Variants in RCCD1 observed in about 807,000 individuals in gnomAD.
RCCD1 encodes RCC1 domain containing 1, also known as RCC1 domain-containing protein 1.
In RCCD1, 40 loss-of-function variants were observed where a neutral mutation model predicts 37.6. The ratio of observed to expected loss-of-function variants is 1.06; its 90% CI spans 0.83 to 1.39. The LOEUF (loss-of-function observed/expected upper bound fraction) is 1.39, where lower values mean the gene tolerates loss of function less well. Ranked by LOEUF, RCCD1 falls within the 40% of genes most tolerant of loss-of-function variation. The pLI is 0.00. For synonymous variants in RCCD1, 263 were observed against 230.0 expected (o/e 1.14, Z -1.30); for missense variants, 577 against 517.3 (o/e 1.12, Z -1.12).
At chr15:90,958,949 AAAAC>A (rs1386417033) in intron 4 of RCCD1, among the ~76,000 whole-genome samples, 3 of 102,362 alleles carry the variant, frequency 2.9e-5, no homozygotes, top group Non-Finnish European at 5.0e-5. Flanking sequence ...AAAAAAAAAA[AAAAC>A]AAAAAAAAAA....
At chr15:90,958,952 A>G (rs1022526877) in intron 4 of RCCD1, among the ~76,000 whole-genome samples, 1 of 49,524 alleles carries the variant, frequency 2.0e-5, no homozygotes, top group African/African-American at 2.3e-4. Context: ...AAAAAAAAAA[A>G]CAAAAAAAAA....
Position 90,956,912 on chromosome 15 carries a change from C to T in RCCD1, c.166+12C>T, listed in dbSNP as rs779076847. On this transcript the variant is annotated intron_variant, in intron 2 of 7. Coordinates refer to ENST00000394258, the MANE Select transcript of RCCD1 (RefSeq NM_001017919.2). The stretch of plus-strand genomic sequence containing the variant: ...CGCTTTCGTGACCCGTGAGCACTCC[C>T]CGCCCCGTCCCCACTTATTCCAGCC... The T allele has an allele frequency of 2.7e-4, 341 of 1,279,870 alleles. No individual in the cohort carries two copies. The highest frequency in any genetic ancestry group is 1.2e-3 in the Middle Eastern group (6 of 4,982). The allele number at this position is 1,279,870 out of a possible 1,614,324, so 79.3% of individuals were successfully genotyped here.
chr15:90,957,737 A>G lies in RCCD1; in HGVS notation c.679+12A>G, dbSNP rs759861543. ...TGTGTGTGTGAGTGGTGAGTGACTT[A>G]GTGCTTCTCCAGACGAGCTCATGAT... On this transcript the variant is annotated intron_variant, in intron 4 of 7. Coordinates refer to ENST00000394258, the MANE Select transcript of RCCD1 (RefSeq NM_001017919.2). 2 of 1,593,976 alleles carry G rather than the reference A, an allele frequency of 1.3e-6. No individual in the cohort carries two copies. Among genetic ancestry groups the G allele is most frequent in the Non-Finnish European group, 1.7e-6 (2 of 1,168,420 alleles).
At chr15:90,959,852 T>G in intron 4 of RCCD1, 48 bp from the exon 5 acceptor site, 1 of 1,419,566 alleles carries the variant, frequency 7.0e-7, no homozygotes, top group East Asian at 2.3e-5. Flanking sequence ...TTTGGATGGA[T>G]GCAGGGGCTT....
intron 1 of RCCD1, among the ~76,000 whole-genome samples, chr15:90,956,255 T>C (rs1458614842): frequency 6.6e-6 from 1 of 152,196 alleles, no homozygotes; most frequent in African/African-American, 2.4e-5. Flanking sequence ...TGCCCCTCTC[T>C]GTCTGGCTGT....
In RCCD1 at chr15:90,956,721, G is replaced by T; in HGVS notation, c.-14G>T. The T allele has an allele frequency of 7.8e-7, 1 of 1,283,668 alleles. No homozygotes were observed. Among genetic ancestry groups the T allele is most frequent in the Non-Finnish European group, 9.8e-7 (1 of 1,015,520 alleles). 79.5% of individuals were successfully genotyped at this position (1,283,668 alleles called of 1,614,324 possible). A position where few individuals can be genotyped will look rare whatever the true frequency, so the allele number is the denominator to read the frequency against. ...CGCAGCCAGGCGGCGGCCGGCAGAG[G>T]GCGCTGCTCGGGCATGGCGGAGGAG... is the stretch of plus-strand genomic sequence containing the variant. On this transcript the variant is annotated 5_prime_UTR_variant, in exon 2 of 8. Coordinates refer to ENST00000394258, the MANE Select transcript of RCCD1 (RefSeq NM_001017919.2).
In RCCD1 at chr15:90,957,122, G is replaced by A; in HGVS notation, c.176G>A (p.Arg59His). 2 of 1,348,784 alleles carry A rather than the reference G, an allele frequency of 1.5e-6. No individual in the cohort carries two copies. Among genetic ancestry groups the A allele is most frequent in the Non-Finnish European group, 1.9e-6 (2 of 1,055,920 alleles). 83.6% of individuals were successfully genotyped at this position (1,348,784 alleles called of 1,614,324 possible). Reference protein sequence around the residue: ...SYTAFVTRGGRLELSGSASGA... With the variant: ...SYTAFVTRGGHLELSGSASGA... ...CCAATCCGCCCCGCAGGTGGAGGCCGCTTGGAGCTGTCGGGCTCAGCCAGC... is the reference window on the plus strand; with the variant it reads ...CCAATCCGCCCCGCAGGTGGAGGCCACTTGGAGCTGTCGGGCTCAGCCAGC... Residue 59 changes from arginine (R) to histidine (H), a missense_variant, in exon 3 of 8, where the codon CGC becomes CAC. Arg to His is a conservative substitution (Grantham distance 29). Coordinates refer to ENST00000394258, the MANE Select transcript of RCCD1 (RefSeq NM_001017919.2).
chr15:90,957,180 C>T lies in RCCD1; in HGVS notation c.234C>T (p.Ala78=). The change falls in exon 3 of 8, where the codon GCC becomes GCT. Residue 78 remains alanine, a synonymous_variant. Transcript: ENST00000394258. ...CGGGCCGCTGCAAGGACGCGTGGGC[C>T]TCGGAGGGGCTCCTCGCGGTGCTGC... ...GAAGRCKDAW[A]SEGLLAVLRA... is the part of the protein sequence containing the mutation. 7.2e-7 allele frequency: 1 copy of T among 1,387,088 alleles called. No individual in the cohort carries two copies. Among genetic ancestry groups the T allele is most frequent in the Non-Finnish European group, 9.3e-7 (1 of 1,076,800 alleles). 85.9% of individuals were successfully genotyped at this position (1,387,088 alleles called of 1,614,324 possible). A position where few individuals can be genotyped will look rare whatever the true frequency, so the allele number is the denominator to read the frequency against.
chr15:90,960,030 C>T (rs373420827), intron 5 of RCCD1, 32 bp downstream of exon 5: 2 of 1,526,936 alleles, frequency 1.3e-6, no homozygotes, highest in South Asian at 2.3e-5. Context: ...ACAGCCGTCT[C>T]CCCAGGATGT....
chr15:90,960,773 G>A (rs2037299122), intron 6 of RCCD1: 2 of 626,022 alleles, frequency 3.2e-6, no homozygotes, highest in East Asian at 2.7e-5. Context: ...TGACAGCAGG[G>A]ACTGTCCAGT....
In RCCD1 at chr15:90,956,749, G is replaced by GC; in HGVS notation, c.17dup (p.Ala8GlyfsTer121). 1 of 1,322,898 alleles carries GC rather than the reference G, an allele frequency of 7.6e-7. No individual in the cohort carries two copies. The highest frequency in any genetic ancestry group is 2.4e-5 in the South Asian group (1 of 41,658). 81.9% of individuals were successfully genotyped at this position (1,322,898 alleles called of 1,614,324 possible). A position where few individuals can be genotyped will look rare whatever the true frequency, so the allele number is the denominator to read the frequency against. On this transcript the variant is annotated frameshift_variant, in exon 2 of 8. Transcript: ENST00000394258. LOFTEE classifies it high-confidence loss of function. The stretch of plus-strand genomic sequence containing the variant: ...GCTGCTCGGGCATGGCGGAGGAGCG[G>GC]CCGGGGGCCTGGTTCGGCTTCGGTT...
chr15:90,955,396 GGCT>G (rs1458004199), intron 1 of RCCD1: 1 of 152,282 alleles, frequency 6.6e-6, no homozygotes, highest in African/African-American at 2.4e-5. Context: ...TTTCCTCCAA[GGCT>G]GCCCACCAGA....
intron 7 of RCCD1, 186 bp downstream of exon 7, chr15:90,961,240 A>G (rs2037308649): frequency 4.8e-6 from 3 of 618,966 alleles, no homozygotes; most frequent in Middle Eastern, 4.3e-4. Flanking sequence ...GAGGCCAGAC[A>G]GGGGAGACAT....
chr15:90,957,120 C>T lies in RCCD1; in HGVS notation c.174C>T (p.Gly58=). Residue 58 remains glycine (G), a synonymous_variant, in exon 3 of 8, where the codon GGC becomes GGT. Transcript: ENST00000394258. ...CTCCAATCCGCCCCGCAGGTGGAGG[C>T]CGCTTGGAGCTGTCGGGCTCAGCCA... is the stretch of plus-strand genomic sequence containing the variant. The part of the protein sequence containing the change: ...WSYTAFVTRG[G]RLELSGSASG... The T allele has an allele frequency of 7.4e-7, 1 of 1,344,818 alleles. No individual in the cohort carries two copies. The allele number at this position is 1,344,818 out of a possible 1,614,324, so 83.3% of individuals were successfully genotyped here. A position where few individuals can be genotyped will look rare whatever the true frequency, so the allele number is the denominator to read the frequency against.
chr15:90,957,478 C>T lies in RCCD1; in HGVS notation c.532C>T (p.Gln178Ter), dbSNP rs1375650332. 7 of 1,549,140 alleles carry T rather than the reference C, an allele frequency of 4.5e-6. No homozygotes were observed. Among genetic ancestry groups the T allele is most frequent in the Non-Finnish European group, 8.7e-7 (1 of 1,150,450 alleles). ...CGCGTTGCTGCTGGACGCTGCTGGC[C>T]AGGTGTTCTCCTGGGGCGGGGGCAG... The part of the protein sequence containing the change: ...EHALLLDAAG[Q>*]VFSWGGGRHG... Residue 178 changes from glutamine to a stop codon, truncating the protein, a stop_gained, in exon 3 of 8, where the codon CAG (glutamine) becomes TAG (stop). Transcript: ENST00000394258. LOFTEE classifies it high-confidence loss of function.
intron 6 of RCCD1, 79 bp downstream of exon 6, chr15:90,960,577 G>A: frequency 7.2e-7 from 1 of 1,386,184 alleles, no homozygotes; most frequent in Admixed American, 2.1e-5. Flanking sequence ...AAAAACTTCT[G>A]TCTTAAGGCT....
chr15:90,960,492 G>A lies in RCCD1; in HGVS notation c.943G>A (p.Val315Met), dbSNP rs370018813. 1 of 1,608,292 alleles carries A rather than the reference G, an allele frequency of 6.2e-7. No homozygotes were observed. Among genetic ancestry groups the A allele is most frequent in the Non-Finnish European group, 8.5e-7 (1 of 1,179,502 alleles). ...ASCGSRHTAV[V>M]TRTGELYTWG... is the part of the protein sequence containing the mutation. ...CTGTGGATCCCGGCACACAGCTGTG[G>A]TGACACGTGAGTGGGGCTGGGAGGC... is the stretch of plus-strand genomic sequence containing the variant. Residue 315 changes from valine to methionine, a missense_variant, in exon 6 of 8, where the codon GTG becomes ATG. Transcript: ENST00000394258.
chr15:90,960,716 G>T, intron 6 of RCCD1: 1 of 612,408 alleles, frequency 1.6e-6, no homozygotes, highest in Non-Finnish European at 2.9e-6. Context: ...GATGCTTTCT[G>T]TCCTCCCTGC....
In RCCD1 at chr15:90,957,215, C is replaced by T; in HGVS notation, c.269C>T (p.Pro90Leu). ...CTCCTCGCGGTGCTGCGCGCCGGGC[C>T]GGGGCCGGAGGCGTTACTGCAGGTC... ...EGLLAVLRAG[P>L]GPEALLQVWA... The change falls in exon 3 of 8, where the codon CCG (proline) becomes CTG (leucine). Residue 90 changes from proline to leucine, a missense_variant. Coordinates refer to ENST00000394258, the MANE Select transcript of RCCD1 (RefSeq NM_001017919.2). The T allele has an allele frequency of 7.1e-7, 1 of 1,413,774 alleles. No homozygotes were observed. The highest frequency in any genetic ancestry group is 9.2e-7 in the Non-Finnish European group (1 of 1,086,858). 87.6% of individuals were successfully genotyped at this position (1,413,774 alleles called of 1,614,324 possible). A position where few individuals can be genotyped will look rare whatever the true frequency, so the allele number is the denominator to read the frequency against.
Sources: gnomAD v4.1 joint callset for allele counts (sites outside exome capture counted in the v4.1 genomes callset) on GRCh38, gnomAD v4.1.1 for gene constraint, MANE v1.5 for transcripts, NCBI Gene and HGNC (gene_info 2026-07-23, HGNC 2026-07-21) for gene names.